Variants in KIT observed in about 807,000 individuals in gnomAD.
The protein encoded by KIT is KIT proto-oncogene, receptor tyrosine kinase.
Under a neutral mutation model 105.7 loss-of-function variants are expected in KIT, and 16 were observed. That is an observed-to-expected ratio of 0.15 (90% CI 0.10 to 0.23). The LOEUF is 0.23. Ranked by LOEUF, KIT falls within the 10% of genes least tolerant of loss-of-function variation. The probability of loss-of-function intolerance (pLI) is 1.00; values close to 1 mark genes in which losing one functional copy is unlikely to be tolerated. For synonymous variants in KIT, 438 were observed against 441.1 expected, an observed-to-expected ratio of 0.99 and a Z score of 0.09; for missense variants, 858 against 1,213.8, an observed-to-expected ratio of 0.71 and a Z score of 4.36.
chr4:54,664,282 C>G (rs1013338165), intron 1 of KIT, among the ~76,000 whole-genome samples: 1 of 152,098 alleles, frequency 6.6e-6, no homozygotes, highest in African/African-American at 2.4e-5. Context: ...AGGGAATTGG[C>G]TGGGAAGGTA....
At chr4:54,717,018 A>G (rs569758378) in intron 7 of KIT, among the ~76,000 whole-genome samples, 15 of 152,234 alleles carry the variant, frequency 9.9e-5, no homozygotes, top group Middle Eastern at 3.4e-3. Flanking sequence ...GAGATATCTG[A>G]CAGTGTTTGA....
In KIT at chr4:54,727,493, A is replaced by G. The variant is rs1025892108; in HGVS notation, c.1725A>G (p.Gln575=). The part of the protein sequence containing the change: ...GNNYVYIDPT[Q]LPYDHKWEFP... Reference sequence around the variant, plus strand: ...ATTATGTTTACATAGACCCAACACAACTTCCTTATGATCACAAATGGGAGT... The same window carrying G: ...ATTATGTTTACATAGACCCAACACAGCTTCCTTATGATCACAAATGGGAGT... The change falls in exon 11 of 21, where the codon CAA becomes CAG. Residue 575 remains glutamine (Q), a synonymous_variant. Transcript: ENST00000288135. The G allele has an allele frequency of 7.4e-6, 12 of 1,613,990 alleles. No individual in the cohort carries two copies. The Admixed American group carries it at 1.5e-4, about 20-fold the overall frequency.
At chr4:54,730,367 C>T (rs748196684) in intron 14 of KIT, among the ~76,000 whole-genome samples, 17 of 152,146 alleles carry the variant, frequency 1.1e-4, no homozygotes, top group Non-Finnish European at 2.5e-4. Flanking sequence ...GAACTCTTAA[C>T]ACCAGGTCCT....
chr4:54,708,969 AG>A lies in KIT; in HGVS notation c.1116-453del, dbSNP rs1399098806. On this transcript the variant is annotated intron_variant, in intron 6 of 20. Transcript: ENST00000288135. ...GGAGATGGGGGTGTTGCAAGAAGGA[AG>A]GTGAGCAGTGTGGACCTCGCTGAGG... 4.6e-5 allele frequency among the ~76,000 whole-genome samples: 7 copies of A among 152,272 alleles called. No homozygotes were observed. The East Asian group carries it at 1.4e-3, about 30-fold the overall frequency.
intron 17 of KIT, among the ~76,000 whole-genome samples, chr4:54,734,592 C>T (rs894625145): frequency 2.0e-5 from 3 of 152,188 alleles, no homozygotes; most frequent in Non-Finnish European, 4.4e-5. Flanking sequence ...GTCAGTTGAA[C>T]TAACCAATCA....
intron 1 of KIT, 60 bp downstream of exon 1, chr4:54,658,141 A>G (rs2109522190): frequency 1.3e-6 from 2 of 1,531,124 alleles, no homozygotes; most frequent in Non-Finnish European, 1.8e-6. Context: ...TGTGCCTGGG[A>G]GGGTGGTACC....
intron 7 of KIT, among the ~76,000 whole-genome samples, chr4:54,717,330 A>G (rs893671548): frequency 3.9e-5 from 6 of 152,128 alleles, no homozygotes; most frequent in Non-Finnish European, 7.4e-5. Flanking sequence ...CTTCCTCCCT[A>G]TCTCATAAGA....
chr4:54,731,215 A>T, intron 14 of KIT, 113 bp from the exon 15 acceptor site: 1 of 774,748 alleles, frequency 1.3e-6, no homozygotes, highest in Non-Finnish European at 2.3e-6. Flanking sequence ...GACTTTCCTC[A>T]AATTGGTCCA....
At chr4:54,725,475 T>G (rs1393962959) in intron 8 of KIT, among the ~76,000 whole-genome samples, 1 of 152,166 alleles carries the variant, frequency 6.6e-6, no homozygotes, top group Non-Finnish European at 1.5e-5. Context: ...CTTTTGAAGC[T>G]TGTTTATTTT....
intron 1 of KIT, among the ~76,000 whole-genome samples, chr4:54,669,371 G>T (rs1717940591): frequency 6.6e-6 from 1 of 152,212 alleles, no homozygotes; most frequent in African/African-American, 2.4e-5. Context: ...CTTTCAAAGA[G>T]TCTGGCCCAG....
intron 7 of KIT, among the ~76,000 whole-genome samples, chr4:54,718,182 C>G (rs951690919): frequency 6.6e-6 from 1 of 152,152 alleles, no homozygotes; most frequent in East Asian, 1.9e-4. Flanking sequence ...CTCACTGCAA[C>G]CTCCACTTCC....
chr4:54,662,457 C>T (rs1294050577), intron 1 of KIT, among the ~76,000 whole-genome samples: 2 of 152,178 alleles, frequency 1.3e-5, no homozygotes, highest in Non-Finnish European at 2.9e-5. Context: ...CCTCATAGTA[C>T]AGGCTCAATA....
At chr4:54,738,333 C>T (rs2109816998) in intron 20 of KIT, 96 bp from the exon 21 acceptor site, 2 of 1,434,850 alleles carry the variant, frequency 1.4e-6, no homozygotes, top group Non-Finnish European at 2.0e-6. Context: ...TAAGAGTTTC[C>T]ATCAGTTAGT....
At chr4:54,710,125 GTCC>G (rs1721049032) in intron 7 of KIT, among the ~76,000 whole-genome samples, 1 of 152,190 alleles carries the variant, frequency 6.6e-6, no homozygotes, top group Non-Finnish European at 1.5e-5. Context: ...CACTGCTGGG[GTCC>G]TACCGACCCC....
In KIT at chr4:54,686,282, C is replaced by T. The variant is rs181595044; in HGVS notation, c.68-9230C>T. Reference sequence around the variant, plus strand: ...ATTTTGTGAATTTTAAATGGCTAATCATTTTTAAATGGTATAGTGCTATTG... The same window carrying T: ...ATTTTGTGAATTTTAAATGGCTAATTATTTTTAAATGGTATAGTGCTATTG... On this transcript the variant is annotated intron_variant, in intron 1 of 20. Transcript: ENST00000288135. Among the ~76,000 whole-genome samples, 3 of 152,176 alleles carry T rather than the reference C, an allele frequency of 2.0e-5. No homozygotes were observed. The East Asian group carries it at 5.8e-4, about 29-fold the overall frequency.
At chr4:54,698,797 G>T (rs1425541063) in intron 3 of KIT, among the ~76,000 whole-genome samples, 2 of 152,204 alleles carry the variant, frequency 1.3e-5, no homozygotes, top group Non-Finnish European at 2.9e-5. Flanking sequence ...CCATAGATTG[G>T]CATTTAGACT....
Position 54,690,606 on chromosome 4 carries a change from A to G in KIT, c.68-4906A>G, listed in dbSNP as rs963198410. On this transcript the variant is annotated intron_variant, in intron 1 of 20. Transcript: ENST00000288135. ...GGAACAGAAAACAACTCTTAATATT[A>G]GCCTTAGCCAAACATAATTTGGGAA... is the stretch of plus-strand genomic sequence containing the variant. Among the ~76,000 whole-genome samples, 4 of 152,224 alleles carry G rather than the reference A, an allele frequency of 2.6e-5. No individual in the cohort carries two copies. In the South Asian group the frequency reaches 8.3e-4, roughly 32 times the overall value.
At chr4:54,680,100 A>T (rs569139751) in intron 1 of KIT, among the ~76,000 whole-genome samples, 1 of 152,210 alleles carries the variant, frequency 6.6e-6, no homozygotes, top group Non-Finnish European at 1.5e-5. Flanking sequence ...CCGTACAACA[A>T]TGTGAATGTA....
At chr4:54,684,703 G>A (rs1719192074) in intron 1 of KIT, among the ~76,000 whole-genome samples, 1 of 152,138 alleles carries the variant, frequency 6.6e-6, no homozygotes, top group Non-Finnish European at 1.5e-5. Flanking sequence ...CCGGCAGCAC[G>A]ACAAAGCTCC....
Sources: allele counts gnomAD v4.1 joint callset (sites outside exome capture counted in the v4.1 genomes callset), GRCh38; gene constraint gnomAD v4.1.1; transcripts MANE v1.5; gene names NCBI Gene and HGNC (gene_info 2026-07-23, HGNC 2026-07-21).